ST18: variants seen among roughly 807,000 people sequenced by gnomAD.
ST18 encodes the protein suppression of tumorigenicity 18 protein.
In ST18, 50 loss-of-function variants were observed where a neutral mutation model predicts 110.0. That is an observed-to-expected ratio of 0.45 (90% CI 0.36 to 0.58). The LOEUF is 0.58. Among genes scored for constraint, ST18 ranks in the 20% least tolerant of loss-of-function variants. ST18 has a pLI of 0.00. For missense variants in ST18, 1,306 were observed against 1,280.1 expected (o/e 1.02, Z -0.31); for synonymous variants, 461 against 452.4 (o/e 1.02, Z -0.24).
intron 2 of ST18, among the ~76,000 whole-genome samples, chr8:52,379,974 G>A (rs539987472): frequency 2.6e-5 from 4 of 152,212 alleles, no homozygotes; most frequent in Non-Finnish European, 5.9e-5. Context: ...CCTCTCTCCA[G>A]TAAATTGCAT....
intron 2 of ST18, among the ~76,000 whole-genome samples, chr8:52,395,791 A>G (rs958723268): frequency 1.3e-5 from 2 of 152,210 alleles, no homozygotes; most frequent in Non-Finnish European, 2.9e-5. Flanking sequence ...GTACTCTCCA[A>G]CCTAAATATC....
At chr8:52,368,324 C>A (rs1038643756) in intron 2 of ST18, among the ~76,000 whole-genome samples, 3 of 152,148 alleles carry the variant, frequency 2.0e-5, no homozygotes, top group African/African-American at 7.2e-5. Context: ...ACAAAATTCA[C>A]AAACAAATGG....
At chr8:52,187,698 G>A (rs527920820) in intron 8 of ST18, among the ~76,000 whole-genome samples, 1 of 152,178 alleles carries the variant, frequency 6.6e-6, no homozygotes, top group African/African-American at 2.4e-5. Flanking sequence ...TCTAAGATGA[G>A]CTGTGATTAA....
At chr8:52,233,851 C>T (rs533283000) in intron 2 of ST18, among the ~76,000 whole-genome samples, 211 of 152,272 alleles carry the variant, frequency 1.4e-3, no homozygotes, top group African/African-American at 3.5e-3. Flanking sequence ...GATATTGACA[C>T]ATTATAACTA....
At chr8:52,174,613 G>T (rs1231347988) in intron 9 of ST18, among the ~76,000 whole-genome samples, 6 of 152,182 alleles carry the variant, frequency 3.9e-5, no homozygotes, top group Non-Finnish European at 7.3e-5. Context: ...AAATGCACAT[G>T]TGCACGACAA....
intron 2 of ST18, among the ~76,000 whole-genome samples, chr8:52,268,808 C>T (rs1427071090): frequency 2.0e-5 from 3 of 152,146 alleles, no homozygotes; most frequent in African/African-American, 4.8e-5. Context: ...TAAAGCTTCT[C>T]GACAAGCACC....
chr8:52,197,161 A>T (rs911829193), intron 8 of ST18, among the ~76,000 whole-genome samples: 2 of 152,256 alleles, frequency 1.3e-5, no homozygotes. Flanking sequence ...CAGTGATTGT[A>T]AAATACTTAG....
chr8:52,371,129 A>G (rs1334423835), intron 2 of ST18, among the ~76,000 whole-genome samples: 2 of 152,178 alleles, frequency 1.3e-5, no homozygotes, highest in Non-Finnish European at 2.9e-5. Flanking sequence ...AACCTGTGCA[A>G]TTCACTACTG....
At chr8:52,169,695 C>T (rs2064141960) in intron 10 of ST18, among the ~76,000 whole-genome samples, 1 of 152,198 alleles carries the variant, frequency 6.6e-6, no homozygotes, top group African/African-American at 2.4e-5. Context: ...TTGGATCCCA[C>T]ATCGGGAACA....
intron 11 of ST18, 111 bp downstream of exon 11, chr8:52,166,741 G>A (rs1587531631): frequency 7.4e-7 from 1 of 1,353,622 alleles, no homozygotes; most frequent in Non-Finnish European, 9.7e-7. Flanking sequence ...GCTTGACATA[G>A]TTTAAAAAAG....
At chr8:52,261,637 C>T (rs2138658403) in intron 2 of ST18, among the ~76,000 whole-genome samples, 2 of 152,296 alleles carry the variant, frequency 1.3e-5, no homozygotes, top group South Asian at 4.2e-4. Context: ...CACATCTACC[C>T]ATTCAGGGCC....
intron 19 of ST18, 98 bp from the exon 20 acceptor site, chr8:52,133,399 G>T: frequency 2.1e-6 from 3 of 1,407,606 alleles, no homozygotes; most frequent in Non-Finnish European, 2.0e-6. Flanking sequence ...TCACATTAAT[G>T]TTCCAAGTCT....
chr8:52,387,607 T>C (rs541140710), intron 2 of ST18, among the ~76,000 whole-genome samples: 1 of 152,104 alleles, frequency 6.6e-6, no homozygotes, highest in Non-Finnish European at 1.5e-5. Context: ...ATTTTCATTA[T>C]CTTCATTATT....
intron 2 of ST18, among the ~76,000 whole-genome samples, chr8:52,344,843 T>C (rs1816966248): frequency 6.6e-6 from 1 of 152,218 alleles, no homozygotes; most frequent in South Asian, 2.1e-4. Context: ...CTGATAACTT[T>C]GCAAGTTTTA....
chr8:52,250,111 A>G (rs1314810268), intron 2 of ST18, among the ~76,000 whole-genome samples: 1 of 152,086 alleles, frequency 6.6e-6, no homozygotes, highest in Non-Finnish European at 1.5e-5. Flanking sequence ...ACAGCTGTCC[A>G]TAAGTATCAG....
chr8:52,356,926 ATT>A (rs1264430220), intron 2 of ST18, among the ~76,000 whole-genome samples: 1 of 152,176 alleles, frequency 6.6e-6, no homozygotes, highest in Non-Finnish European at 1.5e-5. Context: ...GTCTTCTGAG[ATT>A]ATTCAGTTTG....
chr8:52,370,628 T>G (rs1829930047), intron 2 of ST18, among the ~76,000 whole-genome samples: 1 of 152,168 alleles, frequency 6.6e-6, no homozygotes, highest in African/African-American at 2.4e-5. Context: ...TCAATGTTAT[T>G]GAAATAATCA....
chr8:52,207,095 G>T (rs1378514467), intron 8 of ST18, among the ~76,000 whole-genome samples: 1 of 152,030 alleles, frequency 6.6e-6, no homozygotes. Context: ...CTGATATAAA[G>T]ACTATAATGA....
In ST18 at chr8:52,310,353, T is replaced by G. The variant is rs1420522754; in HGVS notation, c.-464-80276A>C. On this transcript the variant is annotated intron_variant, in intron 2 of 25. Coordinates refer to ENST00000689386, the MANE Select transcript of ST18 (RefSeq NM_001352837.2). Reference sequence around the variant, plus strand: ...TTTCTGCACACCTACACATGTACATTATAAACATAATGAGCACTGTGTAAC... The same window carrying G: ...TTTCTGCACACCTACACATGTACATGATAAACATAATGAGCACTGTGTAAC... Among the ~76,000 whole-genome samples, 3 of 151,810 alleles carry G rather than the reference T, an allele frequency of 2.0e-5. No homozygotes were observed. In the South Asian group the frequency reaches 6.2e-4, roughly 32 times the overall value.
Sources: gnomAD v4.1 joint callset for allele counts (sites outside exome capture counted in the v4.1 genomes callset) on GRCh38, gnomAD v4.1.1 for gene constraint, MANE v1.5 for transcripts, NCBI Gene and HGNC (gene_info 2026-07-23, HGNC 2026-07-21) for gene names.